Variants in SETD9 observed in about 807,000 individuals in gnomAD.
The protein encoded by SETD9 is SET domain containing 9.
In SETD9, 37 loss-of-function variants were observed where a neutral mutation model predicts 36.4. That is an observed-to-expected ratio of 1.02 (90% CI 0.78 to 1.34). SETD9 has a LOEUF of 1.34. Among genes scored for constraint, SETD9 ranks in the 40% most tolerant of loss-of-function variants. The pLI is 0.00. For synonymous variants in SETD9, 128 were observed against 132.9 expected, an observed-to-expected ratio of 0.96 and a Z score of 0.26; for missense variants, 323 against 353.2, an observed-to-expected ratio of 0.91 and a Z score of 0.69.
At chr5:56,914,215 T>G (rs1405112020) in intron 4 of SETD9, among the ~76,000 whole-genome samples, 5 of 152,226 alleles carry the variant, frequency 3.3e-5, no homozygotes, top group African/African-American at 1.2e-4. Flanking sequence ...GATTTTGCAG[T>G]GAATATAGGC....
intron 1 of SETD9, chr5:56,910,271 A>G (rs986623389): frequency 5.4e-6 from 7 of 1,304,040 alleles, no homozygotes; most frequent in Non-Finnish European, 7.1e-6. Context: ...CATAGTTCAT[A>G]CAAGTACTTC....
chr5:56,920,119 C>A (rs1406232228), downstream of SETD9: 1 of 152,488 alleles, frequency 6.6e-6, no homozygotes, highest in East Asian at 1.9e-4. Flanking sequence ...TATTTATGAG[C>A]CTCAACATTT....
intron 1 of SETD9, 76 bp downstream of exon 1, chr5:56,909,819 G>A: frequency 2.9e-6 from 4 of 1,376,894 alleles, no homozygotes; most frequent in Non-Finnish European, 4.0e-6. Context: ...GGGACGCAAA[G>A]CGGAGAGCCT....
chr5:56,913,806 A>T, intron 3 of SETD9, 68 bp from the exon 4 acceptor site: 2 of 834,630 alleles, frequency 2.4e-6, no homozygotes, highest in Non-Finnish European at 3.8e-6. Flanking sequence ...GTGTAATTCT[A>T]GGGTTTTGTA....
chr5:56,918,002 T>C (rs1403495071), downstream of SETD9, among the ~76,000 whole-genome samples: 1 of 152,204 alleles, frequency 6.6e-6, no homozygotes, highest in African/African-American at 2.4e-5. Context: ...CAGTAGCCTC[T>C]CAATTGCCTT....
downstream of SETD9, chr5:56,928,705 T>C: frequency 8.4e-7 from 1 of 1,188,262 alleles, no homozygotes. Context: ...AAGTGACTTA[T>C]AAATTAGTTG....
exon 6 of SETD9, chr5:56,925,340 G>A (rs1056051760): frequency 2.0e-5 from 9 of 454,762 alleles, no homozygotes; most frequent in African/African-American, 1.4e-4. Flanking sequence ...CAGGTGACAT[G>A]ACTGTCTACG....
downstream of SETD9, chr5:56,921,454 ATTAAT>A (rs1484726326): frequency 1.3e-5 from 2 of 152,616 alleles, no homozygotes; most frequent in African/African-American, 4.8e-5. Context: ...ATTTTAAGTT[ATTAAT>A]TTAACTACTT....
In SETD9 at chr5:56,924,975, T is replaced by G. The variant is rs78518840; in HGVS notation, c.813-358T>G. Among the ~76,000 whole-genome samples the G allele has an allele frequency of 9.7e-3, 1,483 of 152,278 alleles. 22 individuals are homozygous for G. The highest frequency in any genetic ancestry group is 0.034 in the African/African-American group (1,429 of 41,550). On this transcript the variant is annotated intron_variant, in intron 5 of 5. Coordinates refer to the SETD9 transcript ENST00000628593. ...GTCTTCGCAGAGAATGCAGGCTTCG[T>G]GGGGCTACAGACCTTTTCTGTCTTA...
At chr5:56,916,109 C>A (rs1398180103) in intron 5 of SETD9, among the ~76,000 whole-genome samples, 1 of 151,930 alleles carries the variant, frequency 6.6e-6, no homozygotes, top group Non-Finnish European at 1.5e-5. Context: ...GTAACAATAT[C>A]TAGGCTGGGT....
At chr5:56,925,373 A>T (rs965268565) in exon 6 of SETD9, 10 of 452,836 alleles carry the variant, frequency 2.2e-5, no homozygotes, top group African/African-American at 6.0e-5. Flanking sequence ...AAGAATCAAC[A>T]AAAAATCGCC....
At chr5:56,910,054 G>T (rs912450460) in intron 1 of SETD9, 1 of 1,296,024 alleles carries the variant, frequency 7.7e-7, no homozygotes, top group Non-Finnish European at 9.9e-7. Flanking sequence ...CTGCGCTGCC[G>T]GGCCCGCGAG....
chr5:56,924,463 T>A (rs1749860424), intron 5 of SETD9, among the ~76,000 whole-genome samples: 2 of 152,196 alleles, frequency 1.3e-5, no homozygotes, highest in African/African-American at 4.8e-5. Context: ...ATCTATTAAT[T>A]CACAAAATTA....
At chr5:56,923,566 T>G (rs1202644248) in intron 5 of SETD9, 1 of 1,613,400 alleles carries the variant, frequency 6.2e-7, no homozygotes, top group East Asian at 2.2e-5. Flanking sequence ...CGCAGACGGT[T>G]GCTACACTGT....
At chr5:56,926,885 TA>T (rs1335032544), downstream of SETD9, among the ~76,000 whole-genome samples, 2 of 93,968 alleles carry the variant, frequency 2.1e-5, no homozygotes, top group Non-Finnish European at 6.5e-5. Flanking sequence ...TATTCAGTGA[TA>T]AAAAAAAGAA....
chr5:56,920,441 G>A (rs1156734508), downstream of SETD9: 3 of 152,104 alleles, frequency 2.0e-5, no homozygotes, highest in African/African-American at 7.3e-5. Flanking sequence ...GAAAATAATG[G>A]GGCAAAGGAA....
At chr5:56,916,031 TTAAC>T (rs1749407337) in intron 5 of SETD9, among the ~76,000 whole-genome samples, 1 of 152,124 alleles carries the variant, frequency 6.6e-6, no homozygotes. Context: ...GTTTGTGTGT[TTAAC>T]TATTAGCTTT....
In SETD9 at chr5:56,917,223, G is replaced by A. The variant is rs1749475639; in HGVS notation, c.*321G>A. ...TTTTGTTTATTTTGTAAGCTCTGTG[G>A]TGGTTTATAAAATTGTAGCCAGGCA... On this transcript the variant is annotated 3_prime_UTR_variant, in exon 6 of 6. Transcript: ENST00000285947. 1 of 1,050,078 alleles carries A rather than the reference G, an allele frequency of 9.5e-7. No homozygotes were observed. Among genetic ancestry groups the A allele is most frequent in the African/African-American group, 1.7e-5 (1 of 57,934 alleles). 65.0% of individuals were successfully genotyped at this position (1,050,078 alleles called of 1,614,324 possible).
intron 1 of SETD9, chr5:56,910,467 G>A (rs1008573477): frequency 1.7e-6 from 2 of 1,183,706 alleles, no homozygotes; most frequent in Admixed American, 3.0e-5. Context: ...GAGGCCGACC[G>A]GGCCTCCCTG....
Sources: gnomAD v4.1 joint callset for allele counts (sites outside exome capture counted in the v4.1 genomes callset) on GRCh38, gnomAD v4.1.1 for gene constraint, MANE v1.5 for transcripts, NCBI Gene and HGNC (gene_info 2026-07-23, HGNC 2026-07-21) for gene names.